The following FPGT variants were observed in gnomAD, a reference collection of about 807,000 sequenced individuals.
The protein encoded by FPGT is GDP-L-fucose diphosphorylase.
A neutral mutation model predicts 45.8 loss-of-function variants in FPGT; 41 were observed. The ratio of observed to expected loss-of-function variants is 0.90; its 90% CI spans 0.70 to 1.16. The LOEUF (loss-of-function observed/expected upper bound fraction) is 1.16, where lower values mean the gene tolerates loss of function less well. FPGT is among the 50% of genes most tolerant of loss of function. FPGT has a pLI of 0.00. For missense variants in FPGT, 755 were observed against 689.1 expected, an observed-to-expected ratio of 1.10 and a Z score of -1.07; for synonymous variants, 292 against 247.2, an observed-to-expected ratio of 1.18 and a Z score of -1.70.
intron 1 of FPGT, among the ~76,000 whole-genome samples, chr1:74,199,424 C>T (rs559601600): frequency 6.6e-6 from 1 of 152,084 alleles, no homozygotes; most frequent in South Asian, 2.1e-4. Flanking sequence ...GGATTGCAAA[C>T]CATAAAAGGA....
Position 74,204,629 on chromosome 1 carries a change from T to G in FPGT, c.582T>G (p.Pro194=). 6.2e-7 allele frequency: 1 copy of G among 1,613,950 alleles called. No homozygotes were observed. The highest frequency in any genetic ancestry group is 8.5e-7 in the Non-Finnish European group (1 of 1,179,836). Residue 194 remains proline, a synonymous_variant, in exon 4 of 4, where the codon CCT becomes CCG. Transcript: ENST00000370898. ...CTGGCTTTACTGCTTTAGCTCATCC[T>G]TCTAGTTTGACGATAGGTACCACAC... ...DKPGFTALAH[P]SSLTIGTTHG... is the part of the protein sequence containing the mutation.
Position 74,208,314 on chromosome 1 carries a change from A to G in FPGT, c.*2482A>G, listed in dbSNP as rs1570323816. On this transcript the variant is annotated 3_prime_UTR_variant, in exon 4 of 4. Transcript: ENST00000370898. ...ATGATAGAGGAGAAGTGTGTTTTTG[A>G]TAAGAAGTGACTAAATTTTGTGACA... is the stretch of plus-strand genomic sequence containing the variant. 6.6e-6 allele frequency among the ~76,000 whole-genome samples: 1 copy of G among 151,700 alleles called. No individual in the cohort carries two copies. Among genetic ancestry groups the G allele is most frequent in the African/African-American group, 2.4e-5 (1 of 41,332 alleles).
chr1:74,199,383 CATT>C (rs1267028369), intron 1 of FPGT, among the ~76,000 whole-genome samples: 5 of 152,216 alleles, frequency 3.3e-5, no homozygotes, highest in East Asian at 1.9e-4. Flanking sequence ...AATCAAGAAA[CATT>C]ATGTCATTCA....
rs991371539 is a variant in FPGT, at chr1:74,207,998, C to T, written c.*2166C>T. Among the ~76,000 whole-genome samples, 7 of 151,940 alleles carry T rather than the reference C, an allele frequency of 4.6e-5. No homozygotes were observed. The highest frequency in any genetic ancestry group is 7.2e-5 in the African/African-American group (3 of 41,404). On this transcript the variant is annotated 3_prime_UTR_variant, in exon 4 of 4. Coordinates refer to ENST00000370898, the MANE Select transcript of FPGT (RefSeq NM_003838.5). ...ATTGCTTGGTGTGTAGTAGCACAAA[C>T]GTACCACCAATAATGTACCTAATTC...
chr1:74,208,492 A>G lies in FPGT; in HGVS notation c.*2660A>G, dbSNP rs536355. On this transcript the variant is annotated 3_prime_UTR_variant, in exon 4 of 4. Coordinates refer to ENST00000370898, the MANE Select transcript of FPGT (RefSeq NM_003838.5). The stretch of plus-strand genomic sequence containing the variant: ...ATTTTTATTTTTATGAAATCATGGC[A>G]CTTACATCATATACTCAGGTGTGTA... 0.41 allele frequency among the ~76,000 whole-genome samples: 62,633 copies of G among 151,834 alleles called. 14,339 individuals carry two copies. Among genetic ancestry groups the G allele is most frequent in the East Asian group, 0.73 (3,749 of 5,150 alleles).
At position 74,204,784 on chromosome 1, in the gene FPGT, GA is replaced by G; in HGVS notation, c.740del (p.Asn247IlefsTer17). 1 of 1,613,866 alleles carries G rather than the reference GA, an allele frequency of 6.2e-7. No homozygotes were observed. The highest frequency in any genetic ancestry group is 8.5e-7 in the Non-Finnish European group (1 of 1,179,958). The part of the protein sequence containing the change: ...MYQFNAVCRP[G>X]NFCQQDFAGG... ...CAGTTTAATGCTGTGTGTAGACCTGGAAATTTTTGTCAACAGGACTTTGCTG... is the reference window on the plus strand; with the variant it reads ...CAGTTTAATGCTGTGTGTAGACCTGGAATTTTTGTCAACAGGACTTTGCTG... On this transcript the variant is annotated frameshift_variant, in exon 4 of 4. Transcript: ENST00000370898. LOFTEE classifies it high-confidence loss of function.
Position 74,205,620 on chromosome 1 carries a change from G to C in FPGT, c.1573G>C (p.Ala525Pro). 6.2e-7 allele frequency: 1 copy of C among 1,611,974 alleles called. No individual in the cohort carries two copies. Among genetic ancestry groups the C allele is most frequent in the Non-Finnish European group, 8.5e-7 (1 of 1,178,040 alleles). Reference sequence around the variant, plus strand: ...CAAGACATGTCTGAGTTTGTGGACTGCACGCATTTTCCCAGTTTGTTCTTC... The same window carrying C: ...CAAGACATGTCTGAGTTTGTGGACTCCACGCATTTTCCCAGTTTGTTCTTC... Reference protein sequence around the residue: ...GNKTCLSLWTARIFPVCSSLS... With the variant: ...GNKTCLSLWTPRIFPVCSSLS... Residue 525 changes from alanine to proline, a missense_variant, in exon 4 of 4, where the codon GCA becomes CCA. By Grantham distance (27) the Ala-to-Pro change is conservative. Coordinates refer to ENST00000370898, the MANE Select transcript of FPGT (RefSeq NM_003838.5).
intron 1 of FPGT, 104 bp from the exon 2 acceptor site, chr1:74,199,560 A>G: frequency 7.9e-7 from 1 of 1,258,470 alleles, no homozygotes; most frequent in Admixed American, 2.6e-5. Context: ...TTGGAAGATG[A>G]TAATGGATAT....
At position 74,208,093 on chromosome 1, in the gene FPGT, A is replaced by G. The variant is rs545664; in HGVS notation, c.*2261A>G. 0.41 allele frequency among the ~76,000 whole-genome samples: 62,316 copies of G among 151,450 alleles called. 14,168 individuals are homozygous for G. Among genetic ancestry groups the G allele is most frequent in the East Asian group, 0.73 (3,689 of 5,080 alleles). ...GTGAGCAAGTAACAACTCCATGACTATTGCTGCCTGGCTAATAGCTATTAT... is the reference window on the plus strand; with the variant it reads ...GTGAGCAAGTAACAACTCCATGACTGTTGCTGCCTGGCTAATAGCTATTAT... On this transcript the variant is annotated 3_prime_UTR_variant, in exon 4 of 4. Transcript: ENST00000370898.
Position 74,204,740 on chromosome 1 carries a change from C to T in FPGT, c.693C>T (p.Pro231=). ...YRSCHRFLHK[P]SIEKMYQFNA... ...CTTGCCATCGTTTCCTTCATAAGCCCAGCATAGAAAAGATGTATCAGTTTA... is the reference window on the plus strand; with the variant it reads ...CTTGCCATCGTTTCCTTCATAAGCCTAGCATAGAAAAGATGTATCAGTTTA... Residue 231 remains proline (P), a synonymous_variant, in exon 4 of 4, where the codon CCC becomes CCT. Coordinates refer to ENST00000370898, the MANE Select transcript of FPGT (RefSeq NM_003838.5). 1 of 1,614,012 alleles carries T rather than the reference C, an allele frequency of 6.2e-7. No individual in the cohort carries two copies. The highest frequency in any genetic ancestry group is 8.5e-7 in the Non-Finnish European group (1 of 1,180,000).
intron 3 of FPGT, among the ~76,000 whole-genome samples, chr1:74,202,109 A>T (rs1171313706): frequency 6.6e-6 from 1 of 152,264 alleles, no homozygotes; most frequent in Non-Finnish European, 1.5e-5. Flanking sequence ...AAGACATTTT[A>T]AAACAGAAAA....
Position 74,208,693 on chromosome 1 carries a change from A to T in FPGT, c.*2861A>T, listed in dbSNP as rs1652479646. On this transcript the variant is annotated 3_prime_UTR_variant, in exon 4 of 4. Transcript: ENST00000370898. ...TGTATACTGATTGAAATAAAGCTTT[A>T]AAAATCCAAGTGATACTCTGAAATT... 6.6e-6 allele frequency among the ~76,000 whole-genome samples: 1 copy of T among 152,100 alleles called. No individual in the cohort carries two copies. Among genetic ancestry groups the T allele is most frequent in the Non-Finnish European group, 1.5e-5 (1 of 67,986 alleles).
intron 1 of FPGT, 39 bp downstream of exon 1, chr1:74,198,399 G>A: frequency 6.2e-7 from 1 of 1,610,956 alleles, no homozygotes; most frequent in South Asian, 1.1e-5. Flanking sequence ...GGGCAATGCA[G>A]AGGGAGGGTG....
In FPGT at chr1:74,205,903, TTTC is replaced by T; in HGVS notation, c.*72_*74del. 1.2e-6 allele frequency: 1 copy of T among 836,320 alleles called. No homozygotes were observed. The highest frequency in any genetic ancestry group is 1.9e-6 in the Non-Finnish European group (1 of 526,644). The allele number at this position is 836,320 out of a possible 1,614,324, so 51.8% of individuals were successfully genotyped here. On this transcript the variant is annotated 3_prime_UTR_variant, in exon 4 of 4. Transcript: ENST00000370898. ...AGAGATAGGTATTTTTTGTAGGCTG[TTTC>T]ACTGAACTCAGTTAATGAAAACTGT... is the stretch of plus-strand genomic sequence containing the variant.
intron 2 of FPGT, 75 bp downstream of exon 2, chr1:74,199,906 T>G: frequency 6.6e-7 from 1 of 1,517,902 alleles, no homozygotes; most frequent in Admixed American, 2.0e-5. Context: ...TTCTGTGACT[T>G]ACAGTGTATA....
At position 74,206,887 on chromosome 1, in the gene FPGT, T is replaced by G. The variant is rs549509991; in HGVS notation, c.*1055T>G. ...TTATAAGTGTAATAGAGAAAAGATT[T>G]GTCAGTGTGTTTTTTTAAATGAAAT... On this transcript the variant is annotated 3_prime_UTR_variant, in exon 4 of 4. Transcript: ENST00000370898. The G allele has an allele frequency of 6.6e-6, 1 of 152,104 alleles. No individual in the cohort carries two copies. Among genetic ancestry groups the G allele is most frequent in the Non-Finnish European group, 1.5e-5 (1 of 67,974 alleles). 9.4% of individuals were successfully genotyped at this position (152,104 alleles called of 1,614,324 possible). A position where few individuals can be genotyped will look rare whatever the true frequency, so the allele number is the denominator to read the frequency against.
chr1:74,199,825 A>G lies in FPGT; in HGVS notation c.244A>G (p.Lys82Glu), dbSNP rs763823114. 1.2e-6 allele frequency: 2 copies of G among 1,612,986 alleles called. No individual in the cohort carries two copies. Among genetic ancestry groups the G allele is most frequent in the Admixed American group, 1.7e-5 (1 of 59,766 alleles). Residue 82 changes from lysine (K) to glutamate (E), a missense_variant, in exon 2 of 4, where the codon AAA becomes GAA. Coordinates refer to ENST00000370898, the MANE Select transcript of FPGT (RefSeq NM_003838.5). ...YHVFVDPAGA[K>E]IGNGGSTLCA... is the part of the protein sequence containing the mutation. Reference sequence around the variant, plus strand: ...CGTTTTTGTGGATCCTGCTGGAGCCAAAATTGGTACGCGCTTTATGGTCAG... The same window carrying G: ...CGTTTTTGTGGATCCTGCTGGAGCCGAAATTGGTACGCGCTTTATGGTCAG...
chr1:74,198,308 A>G lies in FPGT; in HGVS notation c.30A>G (p.Val10=). The G allele has an allele frequency of 1.2e-6, 2 of 1,614,136 alleles. No individual in the cohort carries two copies. Among genetic ancestry groups the G allele is most frequent in the Non-Finnish European group, 1.7e-6 (2 of 1,180,022 alleles). The change falls in exon 1 of 4, where the codon GTA becomes GTG. Residue 10 remains valine, a synonymous_variant. Coordinates refer to ENST00000370898, the MANE Select transcript of FPGT (RefSeq NM_003838.5). ...CAGCTGCTAGGGACCCTCCGGAAGTATCGCTGCGAGAAGCCACCCAGCGAA... is the reference window on the plus strand; with the variant it reads ...CAGCTGCTAGGGACCCTCCGGAAGTGTCGCTGCGAGAAGCCACCCAGCGAA... MAAARDPPE[V]SLREATQRKL...
At chr1:74,198,381 G>A in intron 1 of FPGT, 21 bp downstream of exon 1, 1 of 1,613,846 alleles carries the variant, frequency 6.2e-7, no homozygotes. Context: ...AGGCACCGGA[G>A]TTCTCCTGGG....
Sources: gnomAD v4.1 joint callset for allele counts (sites outside exome capture counted in the v4.1 genomes callset) on GRCh38, gnomAD v4.1.1 for gene constraint, MANE v1.5 for transcripts, NCBI Gene and HGNC (gene_info 2026-07-23, HGNC 2026-07-21) for gene names.